MTFR1: variants seen among roughly 807,000 people sequenced by gnomAD.
The protein encoded by MTFR1 is mitochondrial fission regulator 1.
A neutral mutation model predicts 38.8 loss-of-function variants in MTFR1; 28 were observed. That is an observed-to-expected ratio of 0.72 (90% CI 0.53 to 0.99). The LOEUF is 0.99. Ranked by LOEUF, MTFR1 falls within the 50% of genes least tolerant of loss-of-function variation. MTFR1 has a pLI of 0.00. For missense variants in MTFR1, 358 were observed against 395.5 expected, an observed-to-expected ratio of 0.91 and a Z score of 0.81; for synonymous variants, 145 against 137.0, an observed-to-expected ratio of 1.06 and a Z score of -0.41.
chr8:65,711,489 G>A (rs1805944182), downstream of MTFR1, among the ~76,000 whole-genome samples: 1 of 151,972 alleles, frequency 6.6e-6, no homozygotes, highest in Non-Finnish European at 1.5e-5. Flanking sequence ...CAAAGTCAGC[G>A]CTGGGATTGC....
At position 65,673,905 on chromosome 8, in the gene MTFR1, C is replaced by CA. The variant is rs1307604467; in HGVS notation, c.66+3897dup. Among the ~76,000 whole-genome samples, 139 of 146,494 alleles carry CA rather than the reference C, an allele frequency of 9.5e-4. 1 individual carries two copies. The highest frequency in any genetic ancestry group is 2.5e-3 in the African/African-American group (99 of 39,992). On this transcript the variant is annotated intron_variant, in intron 2 of 7. Coordinates refer to ENST00000262146, the MANE Select transcript of MTFR1 (RefSeq NM_014637.4). ...TGGGCAACAGAGCAAGACCCCGTCT[C>CA]AAAAAAAAAATAGTAATGCATAAGT...
intron 2 of MTFR1, among the ~76,000 whole-genome samples, chr8:65,673,864 C>T (rs1804635094): frequency 6.6e-6 from 1 of 152,004 alleles, no homozygotes; most frequent in South Asian, 2.1e-4. Context: ...CGAGATTGTG[C>T]CACTGCACTC....
intron 2 of MTFR1, among the ~76,000 whole-genome samples, chr8:65,717,078 T>C (rs939340422): frequency 1.3e-5 from 2 of 152,146 alleles, no homozygotes; most frequent in Non-Finnish European, 2.9e-5. Flanking sequence ...TTTAAAGTGA[T>C]ACAATATTTT....
At chr8:65,771,254 C>G (rs75874147) in exon 4 of MTFR1, 1 of 152,760 alleles carries the variant, frequency 6.5e-6, no homozygotes, top group African/African-American at 2.4e-5. Context: ...TATAAAAAAT[C>G]TTAAAAGAAA....
At chr8:65,727,118 AG>A (rs1806643713) in intron 3 of MTFR1, 4 of 1,202,020 alleles carry the variant, frequency 3.3e-6, no homozygotes, top group Non-Finnish European at 4.9e-6. Context: ...AAAATATGAA[AG>A]ATTTTCTAGA....
chr8:65,715,469 C>T (rs556146094), downstream of MTFR1, among the ~76,000 whole-genome samples: 2 of 151,688 alleles, frequency 1.3e-5, no homozygotes, highest in African/African-American at 4.8e-5. Context: ...CCTCCGCCAC[C>T]TGGGTTCAAG....
chr8:65,710,474 TG>T lies in MTFR1; in HGVS notation c.*1431del, dbSNP rs1805912430. Reference sequence around the variant, plus strand: ...TTTTGACCTAAAAGAAACATATTTTTGTATCAGTATTGAATTTTGGACAGTG... The same window carrying T: ...TTTTGACCTAAAAGAAACATATTTTTTATCAGTATTGAATTTTGGACAGTG... On this transcript the variant is annotated 3_prime_UTR_variant, in exon 8 of 8. Transcript: ENST00000262146. 6.6e-6 allele frequency: 1 copy of T among 152,662 alleles called. No homozygotes were observed. The highest frequency in any genetic ancestry group is 1.5e-5 in the Non-Finnish European group (1 of 68,042). The allele number at this position is 152,662 out of a possible 1,614,324, so 9.5% of individuals were successfully genotyped here.
At position 65,734,950 on chromosome 8, in the gene MTFR1, C is replaced by T. The variant is rs1013333490; in HGVS notation, c.*48+15469C>T. On this transcript the variant is annotated intron_variant, in intron 3 of 3. Coordinates refer to the MTFR1 transcript ENST00000521247. ...TGTATATGAGCAACATATACAAGGA[C>T]AAAAATTGTGATAATTATGAGTTAC... is the stretch of plus-strand genomic sequence containing the variant. 19 of 1,083,632 alleles carry T rather than the reference C, an allele frequency of 1.8e-5. No homozygotes were observed. The African/African-American group carries it at 2.2e-4, about 12-fold the overall frequency. 67.1% of individuals were successfully genotyped at this position (1,083,632 alleles called of 1,614,324 possible). A position where few individuals can be genotyped will look rare whatever the true frequency, so the allele number is the denominator to read the frequency against.
chr8:65,752,257 T>G (rs1808004787), intron 3 of MTFR1, among the ~76,000 whole-genome samples: 1 of 152,336 alleles, frequency 6.6e-6, no homozygotes, highest in East Asian at 1.9e-4. Flanking sequence ...CTGTAGAAAC[T>G]GAATATACTC....
At chr8:65,758,828 C>T (rs575106282) in intron 3 of MTFR1, among the ~76,000 whole-genome samples, 1 of 152,148 alleles carries the variant, frequency 6.6e-6, no homozygotes, top group African/African-American at 2.4e-5. Flanking sequence ...AAGCAAAGCC[C>T]AATCCAGAAT....
chr8:65,657,834 T>C (rs915983381), intron 1 of MTFR1, among the ~76,000 whole-genome samples: 2 of 152,250 alleles, frequency 1.3e-5, no homozygotes. Flanking sequence ...TACATTATGA[T>C]GTTGCAATAC....
At position 65,707,101 on chromosome 8, in the gene MTFR1, A is replaced by G; in HGVS notation, c.609A>G (p.Gln203=). 1.9e-6 allele frequency: 3 copies of G among 1,613,892 alleles called. No homozygotes were observed. Among genetic ancestry groups the G allele is most frequent in the Non-Finnish European group, 2.5e-6 (3 of 1,179,924 alleles). The change falls in exon 6 of 8, where the codon CAA becomes CAG. Residue 203 remains glutamine (Q), a synonymous_variant. Transcript: ENST00000262146. Reference sequence around the variant, plus strand: ...CTCCCCCTGCACTGGGGCTCCACCAAAGTACATCTGCTGTTGATCTGATTA... The same window carrying G: ...CTCCCCCTGCACTGGGGCTCCACCAGAGTACATCTGCTGTTGATCTGATTA... ...PLPPPALGLH[Q]STSAVDLIKE...
At chr8:65,645,332 T>A (rs1808924830) in intron 1 of MTFR1, among the ~76,000 whole-genome samples, 2 of 152,190 alleles carry the variant, frequency 1.3e-5, no homozygotes, top group Admixed American at 6.5e-5. Context: ...CTCCTAGAAC[T>A]TCCCAGTGTA....
In MTFR1 at chr8:65,767,081, G is replaced by A. The variant is rs547333750; in HGVS notation, c.*49-3866G>A. ...AACTGAATCTTGTTTTTTAAAAAAG[G>A]TATATATTAAATACGTCATACACTT... is the stretch of plus-strand genomic sequence containing the variant. On this transcript the variant is annotated intron_variant, in intron 3 of 3. Coordinates refer to the MTFR1 transcript ENST00000521247. 6.6e-5 allele frequency among the ~76,000 whole-genome samples: 10 copies of A among 152,232 alleles called. No homozygotes were observed. The South Asian group carries it at 1.9e-3, about 28-fold the overall frequency.
At chr8:65,775,453 T>C (rs763177152), downstream of MTFR1, among the ~76,000 whole-genome samples, 90 of 152,254 alleles carry the variant, frequency 5.9e-4, no homozygotes, top group Admixed American at 6.5e-4. Context: ...CTGAATTTCA[T>C]AGATTTTCCC....
At chr8:65,690,818 G>T (rs183440304) in intron 3 of MTFR1, among the ~76,000 whole-genome samples, 1 of 152,136 alleles carries the variant, frequency 6.6e-6, no homozygotes, top group Non-Finnish European at 1.5e-5. Flanking sequence ...CTTAGGATTT[G>T]TCTAACACTT....
chr8:65,658,995 G>A (rs932656627), intron 1 of MTFR1, among the ~76,000 whole-genome samples: 6 of 152,132 alleles, frequency 3.9e-5, no homozygotes, highest in African/African-American at 9.7e-5. Flanking sequence ...GTTTCATCAC[G>A]GGGAGGGAAG....
At chr8:65,677,044 G>A (rs1319094759) in intron 2 of MTFR1, among the ~76,000 whole-genome samples, 3 of 145,726 alleles carry the variant, frequency 2.1e-5, no homozygotes, top group Non-Finnish European at 4.5e-5. Context: ...ATAAAGCATG[G>A]TTTTTCTGTT....
chr8:65,701,917 T>C (rs1195618911), intron 4 of MTFR1, among the ~76,000 whole-genome samples: 2 of 152,208 alleles, frequency 1.3e-5, no homozygotes, highest in African/African-American at 4.8e-5. Context: ...AGCACATCAA[T>C]CTGCAGATGT....
Sources: allele counts gnomAD v4.1 joint callset (sites outside exome capture counted in the v4.1 genomes callset), GRCh38; gene constraint gnomAD v4.1.1; transcripts MANE v1.5; gene names NCBI Gene and HGNC (gene_info 2026-07-23, HGNC 2026-07-21).